SQLE: variants seen among roughly 807,000 people sequenced by gnomAD.
SQLE encodes squalene monooxygenase.
SQLE carries 29 observed loss-of-function variants against 60.7 expected under a neutral mutation model. The observed-to-expected ratio is 0.48, with a 90% confidence interval of 0.36 to 0.65. The LOEUF is 0.65. Ranked by LOEUF, SQLE falls within the 30% of genes least tolerant of loss-of-function variation. The pLI, the probability that SQLE is intolerant of heterozygous loss-of-function variation, is 0.00. For synonymous variants in SQLE, 237 were observed against 246.8 expected (o/e 0.96, Z 0.37); for missense variants, 605 against 684.1 (o/e 0.88, Z 1.29).
At chr8:125,009,640 AC>A (rs532300535) in intron 6 of SQLE, among the ~76,000 whole-genome samples, 11 of 152,246 alleles carry the variant, frequency 7.2e-5, no homozygotes, top group African/African-American at 2.2e-4. Context: ...TACTAAAAAT[AC>A]AAAATTAGCC....
rs1261174552 is a variant in SQLE, at chr8:124,999,435, C to T, written c.32C>T (p.Thr11Ile). 6.6e-7 allele frequency: 1 copy of T among 1,524,664 alleles called. No homozygotes were observed. The highest frequency in any genetic ancestry group is 2.2e-5 in the Admixed American group (1 of 46,506). The allele number at this position is 1,524,664 out of a possible 1,614,324, so 94.4% of individuals were successfully genotyped here. A position where few individuals can be genotyped will look rare whatever the true frequency, so the allele number is the denominator to read the frequency against. The change falls in exon 1 of 11, where the codon ACC becomes ATC. Residue 11 changes from threonine to isoleucine, a missense_variant. Coordinates refer to ENST00000265896, the MANE Select transcript of SQLE (RefSeq NM_003129.4). MWTFLGIATF[T>I]YFYKKFGDFI... ...ACTTTTCTGGGCATTGCCACTTTCA[C>T]CTATTTTTATAAGAAGTTCGGGGAC... is the stretch of plus-strand genomic sequence containing the variant.
intron 8 of SQLE, 98 bp downstream of exon 8, chr8:125,018,299 C>G: frequency 8.0e-7 from 1 of 1,247,122 alleles, no homozygotes; most frequent in South Asian, 1.5e-5. Context: ...ACTAAGGAAC[C>G]TGATGCTTTA....
chr8:125,020,545 C>T (rs1815186424), intron 9 of SQLE, among the ~76,000 whole-genome samples: 1 of 152,052 alleles, frequency 6.6e-6, no homozygotes, highest in Admixed American at 6.5e-5. Context: ...ACAACTCTTC[C>T]AAGACCTAAA....
At chr8:125,012,167 A>G (rs1224177084) in intron 7 of SQLE, among the ~76,000 whole-genome samples, 1 of 152,140 alleles carries the variant, frequency 6.6e-6, no homozygotes, top group African/African-American at 2.4e-5. Context: ...CTATGGCAGG[A>G]GCATAGGGTG....
In SQLE at chr8:125,021,870, T is replaced by C. The variant is rs753912127; in HGVS notation, c.1650T>C (p.Ser550=). ...CAAAACCTCGAGCCCTTCTCAGTAGTGGTGCTGTATTGTACAAAGCGTGTT... is the reference window on the plus strand; with the variant it reads ...CAAAACCTCGAGCCCTTCTCAGTAGCGGTGCTGTATTGTACAAAGCGTGTT... ...WITKPRALLS[S]GAVLYKACSV... The change falls in exon 11 of 11, where the codon AGT becomes AGC. Residue 550 remains serine, a synonymous_variant. Transcript: ENST00000265896. 8 of 1,611,092 alleles carry C rather than the reference T, an allele frequency of 5.0e-6. No individual in the cohort carries two copies. The highest frequency in any genetic ancestry group is 6.8e-6 in the Non-Finnish European group (8 of 1,178,322).
At chr8:125,013,124 C>G (rs966007865) in intron 7 of SQLE, among the ~76,000 whole-genome samples, 1 of 152,026 alleles carries the variant, frequency 6.6e-6, no homozygotes, top group Non-Finnish European at 1.5e-5. Flanking sequence ...TGTTGAGTTT[C>G]AAGAGTCCTT....
At chr8:125,020,312 A>G (rs1302387004) in intron 9 of SQLE, among the ~76,000 whole-genome samples, 2 of 152,208 alleles carry the variant, frequency 1.3e-5, no homozygotes, top group Non-Finnish European at 2.9e-5. Context: ...TGAGGGTTTT[A>G]TGAGTTACTT....
At position 125,017,940 on chromosome 8, in the gene SQLE, G is replaced by A. The variant is rs1267428528; in HGVS notation, c.1205-119G>A. On this transcript the variant is annotated intron_variant, in intron 7 of 10. Transcript: ENST00000265896. ...AATTTTAATCATGATTTGTTTTCAT[G>A]TATTTTCACATTTTTCTTATTATTA... The A allele has an allele frequency of 3.8e-5, 45 of 1,195,612 alleles. No homozygotes were observed. In the East Asian group the frequency reaches 1.1e-3, roughly 29 times the overall value. 74.1% of individuals were successfully genotyped at this position (1,195,612 alleles called of 1,614,324 possible).
chr8:125,000,764 CT>C, intron 1 of SQLE, among the ~76,000 whole-genome samples: 1 of 152,186 alleles, frequency 6.6e-6, no homozygotes, highest in Non-Finnish European at 1.5e-5. Context: ...TGACTTTTAC[CT>C]TTTAAAAAGA....
intron 6 of SQLE, 98 bp downstream of exon 6, chr8:125,009,441 C>T: frequency 8.2e-7 from 1 of 1,218,910 alleles, no homozygotes; most frequent in Non-Finnish European, 1.1e-6. Flanking sequence ...ACCAGATATT[C>T]TGGAACTGAA....
Position 125,004,870 on chromosome 8 carries a change from C to A in SQLE, c.545-655C>A, listed in dbSNP as rs570278278. On this transcript the variant is annotated intron_variant, in intron 2 of 10. Coordinates refer to ENST00000265896, the MANE Select transcript of SQLE (RefSeq NM_003129.4). ...GTTTTTTATTTTTCAACTGCTTTTG[C>A]TGCTTTAGATTTAAGAAAGAAGTTT... 2.0e-5 allele frequency among the ~76,000 whole-genome samples: 3 copies of A among 152,086 alleles called. No homozygotes were observed. The East Asian group carries it at 5.8e-4, about 29-fold the overall frequency.
At chr8:125,015,034 G>C (rs1057074059) in intron 7 of SQLE, among the ~76,000 whole-genome samples, 2 of 152,024 alleles carry the variant, frequency 1.3e-5, no homozygotes, top group Middle Eastern at 3.2e-3. Flanking sequence ...GATTGTATTG[G>C]GGTCTGTCTC....
chr8:125,009,614 G>A (rs1421728139), intron 6 of SQLE, among the ~76,000 whole-genome samples: 1 of 152,110 alleles, frequency 6.6e-6, no homozygotes, highest in Non-Finnish European at 1.5e-5. Flanking sequence ...TGACCAACAT[G>A]GAGAAACCCC....
Position 124,999,354 on chromosome 8 carries a change from G to C in SQLE, c.-50G>C. 2 of 1,465,716 alleles carry C rather than the reference G, an allele frequency of 1.4e-6. No individual in the cohort carries two copies. Among genetic ancestry groups the C allele is most frequent in the Non-Finnish European group, 9.0e-7 (1 of 1,109,002 alleles). 90.8% of individuals were successfully genotyped at this position (1,465,716 alleles called of 1,614,324 possible). On this transcript the variant is annotated 5_prime_UTR_variant, in exon 1 of 11. Transcript: ENST00000265896. ...TTTGGGGAGAACCTTAAACCCACTC[G>C]AGCAGATAATCTCCGCCTTGACCGG...
chr8:125,020,960 C>A, intron 10 of SQLE, 89 bp downstream of exon 10: 1 of 875,938 alleles, frequency 1.1e-6, no homozygotes, highest in Non-Finnish European at 1.8e-6. Context: ...TTCTTCCTTA[C>A]ACATTTTGAT....
chr8:125,015,598 G>A (rs371457397), intron 7 of SQLE, among the ~76,000 whole-genome samples: 30 of 152,156 alleles, frequency 2.0e-4, no homozygotes, highest in East Asian at 3.9e-4. Context: ...TCTTATAACC[G>A]ATTATTTTAA....
intron 1 of SQLE, among the ~76,000 whole-genome samples, chr8:125,001,449 GGTGTGTGTGTGTGT>G (rs57946751): frequency 0.017 from 2,274 of 137,012 alleles, 66 homozygotes; most frequent in African/African-American, 0.058. Context: ...CTCCTTTCAG[GGTGTGTGTGTGTGT>G]GTGTGTGTGT....
Position 124,999,654 on chromosome 8 carries a change from C to T in SQLE, c.251C>T (p.Pro84Leu), listed in dbSNP as rs757287545. The change falls in exon 1 of 11, where the codon CCC becomes CTC. Residue 84 changes from proline (P) to leucine (L), a missense_variant. By Grantham distance (98) the Pro-to-Leu change is moderately conservative. Coordinates refer to ENST00000265896, the MANE Select transcript of SQLE (RefSeq NM_003129.4). ...ATTGGCTTCTTCTGGGCCAAATCCC[C>T]CCCTGAATCAGAAAATAAGGAGCAG... ...PFIGFFWAKSPPESENKEQLE... is the reference protein window; with the variant it reads ...PFIGFFWAKSLPESENKEQLE... 2.5e-6 allele frequency: 4 copies of T among 1,608,362 alleles called. No individual in the cohort carries two copies. The highest frequency in any genetic ancestry group is 2.2e-5 in the South Asian group (2 of 90,364).
At chr8:125,021,260 TA>T (rs1181075954) in intron 10 of SQLE, among the ~76,000 whole-genome samples, 1 of 152,206 alleles carries the variant, frequency 6.6e-6, no homozygotes, top group Non-Finnish European at 1.5e-5. Context: ...TATGTGGAAC[TA>T]TTCTTGGAAA....
Sources: allele counts gnomAD v4.1 joint callset (sites outside exome capture counted in the v4.1 genomes callset), GRCh38; gene constraint gnomAD v4.1.1; transcripts MANE v1.5; gene names NCBI Gene and HGNC (gene_info 2026-07-23, HGNC 2026-07-21).